GRM8: variants seen among roughly 807,000 people sequenced by gnomAD.
GRM8 encodes the protein metabotropic glutamate receptor 8.
GRM8 carries 47 observed loss-of-function variants against 87.2 expected under a neutral mutation model. That is an observed-to-expected ratio of 0.54 (90% CI 0.43 to 0.69). The LOEUF is 0.69. Ranked by LOEUF, GRM8 falls within the 30% of genes least tolerant of loss-of-function variation. The pLI, the probability that GRM8 is intolerant of heterozygous loss-of-function variation, is 0.00. For missense variants in GRM8, 1,019 were observed against 1,139.2 expected (o/e 0.89, Z 1.52); for synonymous variants, 396 against 404.5 (o/e 0.98, Z 0.25).
intron 6 of GRM8, among the ~76,000 whole-genome samples, chr7:126,783,509 C>G (rs1385560980): frequency 6.6e-6 from 1 of 152,172 alleles, no homozygotes; most frequent in Non-Finnish European, 1.5e-5. Context: ...GCCACTGCAC[C>G]TAGCCCTACC....
At chr7:126,646,163 T>C (rs1481544191) in intron 7 of GRM8, among the ~76,000 whole-genome samples, 1 of 151,918 alleles carries the variant, frequency 6.6e-6, no homozygotes, top group Non-Finnish European at 1.5e-5. Context: ...ACTTAACCTA[T>C]CTGCATTCAA....
chr7:126,861,803 TATTTTC>T (rs1275850559), intron 6 of GRM8, among the ~76,000 whole-genome samples: 1 of 152,042 alleles, frequency 6.6e-6, no homozygotes, highest in Non-Finnish European at 1.5e-5. Context: ...CTAATCTTTT[TATTTTC>T]ATTTGTTTTG....
At chr7:126,859,771 A>G (rs1797997306) in intron 6 of GRM8, among the ~76,000 whole-genome samples, 1 of 152,150 alleles carries the variant, frequency 6.6e-6, no homozygotes, top group Admixed American at 6.5e-5. Context: ...CTTCTATTTT[A>G]CTATGTGAAC....
At chr7:126,498,241 G>T (rs1333283747) in intron 9 of GRM8, among the ~76,000 whole-genome samples, 1 of 151,904 alleles carries the variant, frequency 6.6e-6, no homozygotes, top group African/African-American at 2.4e-5. Flanking sequence ...TTGTTCTGAT[G>T]TATATTTGTA....
At chr7:126,816,411 T>A (rs180931141) in intron 6 of GRM8, among the ~76,000 whole-genome samples, 1 of 152,204 alleles carries the variant, frequency 6.6e-6, no homozygotes, top group East Asian at 1.9e-4. Context: ...TTTTCACACA[T>A]CCTTGTACAA....
intron 8 of GRM8, among the ~76,000 whole-genome samples, chr7:126,586,924 C>G (rs1387003420): frequency 2.0e-5 from 3 of 152,068 alleles, no homozygotes; most frequent in African/African-American, 7.2e-5. Flanking sequence ...TTTTTGCAAT[C>G]TACTCATCTG....
intron 6 of GRM8, among the ~76,000 whole-genome samples, chr7:126,825,186 C>A (rs1343703920): frequency 6.6e-6 from 1 of 152,062 alleles, no homozygotes; most frequent in Non-Finnish European, 1.5e-5. Flanking sequence ...TCCTGCCCAG[C>A]CTCCTGAGTA....
At chr7:127,084,049 G>T (rs890857196) in intron 3 of GRM8, among the ~76,000 whole-genome samples, 7 of 152,176 alleles carry the variant, frequency 4.6e-5, no homozygotes, top group Non-Finnish European at 8.8e-5. Flanking sequence ...TACATTTGTG[G>T]CTTATCTGCT....
intron 3 of GRM8, among the ~76,000 whole-genome samples, chr7:126,966,790 G>GA (rs1225042141): frequency 2.6e-5 from 4 of 152,034 alleles, no homozygotes; most frequent in Non-Finnish European, 5.9e-5. Context: ...TAGATGTTCA[G>GA]AAAAAAATGA....
chr7:126,578,617 G>A (rs1795319219), intron 8 of GRM8, among the ~76,000 whole-genome samples: 2 of 152,102 alleles, frequency 1.3e-5, no homozygotes, highest in African/African-American at 4.8e-5. Context: ...GCAGCAGATG[G>A]CTGTCATGCT....
intron 3 of GRM8, among the ~76,000 whole-genome samples, chr7:127,100,016 A>T (rs1197522611): frequency 6.6e-6 from 1 of 152,182 alleles, no homozygotes; most frequent in Non-Finnish European, 1.5e-5. Context: ...GGAGTGATGC[A>T]TCTACAAGCC....
At chr7:127,216,868 C>G (rs1268675665) in intron 2 of GRM8, among the ~76,000 whole-genome samples, 1 of 152,176 alleles carries the variant, frequency 6.6e-6, no homozygotes, top group Non-Finnish European at 1.5e-5. Context: ...CACTTCTCAT[C>G]ATGAGTCTCA....
intron 2 of GRM8, among the ~76,000 whole-genome samples, chr7:127,224,543 G>A (rs2116748086): frequency 6.6e-6 from 1 of 152,236 alleles, no homozygotes; most frequent in South Asian, 2.1e-4. Flanking sequence ...ACTAAAGGAA[G>A]TTCTCTAAAC....
At chr7:126,509,611 C>G (rs1423389754) in intron 9 of GRM8, among the ~76,000 whole-genome samples, 6 of 151,908 alleles carry the variant, frequency 3.9e-5, no homozygotes, top group Non-Finnish European at 7.4e-5. Context: ...CCCCAGTATC[C>G]CTTTGAGGTA....
intron 2 of GRM8, among the ~76,000 whole-genome samples, chr7:127,179,446 C>T (rs1794308585): frequency 6.6e-6 from 1 of 152,074 alleles, no homozygotes; most frequent in African/African-American, 2.4e-5. Context: ...GTTATCAAGA[C>T]AGAAAGACAA....
intron 8 of GRM8, among the ~76,000 whole-genome samples, chr7:126,598,040 G>A (rs1039259087): frequency 2.0e-5 from 3 of 151,648 alleles, no homozygotes; most frequent in Non-Finnish European, 2.9e-5. Flanking sequence ...CTATATTTTT[G>A]TACCCACTAC....
chr7:126,829,508 G>C (rs1795145395), intron 6 of GRM8, among the ~76,000 whole-genome samples: 1 of 145,132 alleles, frequency 6.9e-6, no homozygotes, highest in Non-Finnish European at 1.5e-5. Flanking sequence ...TGTTTTATCA[G>C]AGACTAGGAT....
At chr7:127,007,275 C>A (rs1205596731) in intron 3 of GRM8, among the ~76,000 whole-genome samples, 1 of 151,654 alleles carries the variant, frequency 6.6e-6, no homozygotes, top group African/African-American at 2.4e-5. Flanking sequence ...GTTTAATTAC[C>A]CCTCACCTTT....
At chr7:126,924,736 G>A (rs1804908610) in intron 3 of GRM8, among the ~76,000 whole-genome samples, 1 of 152,086 alleles carries the variant, frequency 6.6e-6, no homozygotes, top group Non-Finnish European at 1.5e-5. Flanking sequence ...ATTGTACACA[G>A]CATCATGCAA....
Sources: allele counts gnomAD v4.1 joint callset (sites outside exome capture counted in the v4.1 genomes callset), GRCh38; gene constraint gnomAD v4.1.1; transcripts MANE v1.5; gene names NCBI Gene and HGNC (gene_info 2026-07-23, HGNC 2026-07-21).